MAGI2: variants seen among roughly 807,000 people sequenced by gnomAD.
MAGI2 encodes the protein membrane associated guanylate kinase, WW and PDZ domain containing 2.
MAGI2 carries 35 observed loss-of-function variants against 133.3 expected under a neutral mutation model. The observed-to-expected ratio is 0.26, with a 90% CI of 0.20 to 0.35. The LOEUF is 0.35. Among genes scored for constraint, MAGI2 ranks in the 10% least tolerant of loss-of-function variants. MAGI2 has a pLI of 1.00. For synonymous variants in MAGI2, 729 were observed against 710.6 expected, an observed-to-expected ratio of 1.03 and a Z score of -0.41; for missense variants, 1,636 against 1,863.4, an observed-to-expected ratio of 0.88 and a Z score of 2.25.
At chr7:79,357,863 C>T (rs867983928) in intron 1 of MAGI2, among the ~76,000 whole-genome samples, 51 of 152,152 alleles carry the variant, frequency 3.4e-4, no homozygotes, top group African/African-American at 1.1e-3. Flanking sequence ...GTTTATGTAA[C>T]GTAACTAAGT....
intron 1 of MAGI2, among the ~76,000 whole-genome samples, chr7:79,209,389 T>C (rs1402919029): frequency 6.6e-6 from 1 of 152,032 alleles, no homozygotes; most frequent in Admixed American, 6.5e-5. Context: ...AGAATATATA[T>C]TGTGAAACAT....
intron 2 of MAGI2, among the ~76,000 whole-genome samples, chr7:78,655,454 C>CAAAAAAAAAAAAAAAAAAAAAAAAAAACA: frequency 1.5e-5 from 1 of 64,950 alleles, no homozygotes; most frequent in African/African-American, 6.3e-5. Context: ...AAAAAACAAC[C>CAAAAAAAAAAAAAAAAAAAAAAAAAAACA]AAAAAAAAAA....
At chr7:79,272,207 G>C (rs1834929006) in intron 1 of MAGI2, among the ~76,000 whole-genome samples, 1 of 151,910 alleles carries the variant, frequency 6.6e-6, no homozygotes, top group African/African-American at 2.4e-5. Context: ...CCATTGTCTT[G>C]TAATGAAATC....
intron 1 of MAGI2, among the ~76,000 whole-genome samples, chr7:79,023,733 C>T (rs966618999): frequency 2.0e-5 from 3 of 152,044 alleles, no homozygotes; most frequent in Non-Finnish European, 2.9e-5. Context: ...ATTCCATTCA[C>T]AATAGCAACA....
At chr7:78,728,775 C>T (rs1228961570) in intron 2 of MAGI2, among the ~76,000 whole-genome samples, 1 of 128,052 alleles carries the variant, frequency 7.8e-6, no homozygotes, top group Admixed American at 8.5e-5. Flanking sequence ...CCGTTTTAGC[C>T]GGGATGGTCT....
At chr7:79,295,194 AG>A (rs1346496194) in intron 1 of MAGI2, among the ~76,000 whole-genome samples, 1 of 152,230 alleles carries the variant, frequency 6.6e-6, no homozygotes, top group Non-Finnish European at 1.5e-5. Context: ...AACAAAAAAA[AG>A]GTAAATGACA....
At chr7:78,671,201 C>T (rs80110197) in intron 2 of MAGI2, among the ~76,000 whole-genome samples, 2,320 of 151,786 alleles carry the variant, frequency 0.015, 63 homozygotes, top group African/African-American at 0.053. Flanking sequence ...ATTCAGAAAA[C>T]TGAACAGCAC....
chr7:78,107,254 T>C (rs1267097199), intron 20 of MAGI2, among the ~76,000 whole-genome samples: 1 of 152,208 alleles, frequency 6.6e-6, no homozygotes, highest in Non-Finnish European at 1.5e-5. Context: ...TTGGTTACTA[T>C]AGCTCTGTAG....
intron 1 of MAGI2, among the ~76,000 whole-genome samples, chr7:79,157,953 T>A (rs1043733496): frequency 0.011 from 1,713 of 149,578 alleles, 14 homozygotes; most frequent in Non-Finnish European, 0.017. Flanking sequence ...TGTGTGTGTG[T>A]GTGTGTGTGT....
At chr7:78,159,933 C>G (rs925719099) in intron 16 of MAGI2, 92 bp downstream of exon 16, 26 of 1,462,340 alleles carry the variant, frequency 1.8e-5, no homozygotes, top group Non-Finnish European at 1.8e-5. Context: ...ATGTCCGTGA[C>G]AGTCTTCTGA....
chr7:79,373,490 G>C (rs1843184835), intron 1 of MAGI2, among the ~76,000 whole-genome samples: 2 of 151,860 alleles, frequency 1.3e-5, no homozygotes, highest in African/African-American at 4.8e-5. Flanking sequence ...TATTAAATTT[G>C]TGTTAAAGTA....
chr7:79,313,713 A>G (rs1310637027), intron 1 of MAGI2, among the ~76,000 whole-genome samples: 3 of 152,148 alleles, frequency 2.0e-5, no homozygotes, highest in Non-Finnish European at 2.9e-5. Context: ...AAATTCTTCA[A>G]ATCAACCTAC....
chr7:78,802,918 T>C (rs201816947), intron 2 of MAGI2, among the ~76,000 whole-genome samples: 1 of 130,466 alleles, frequency 7.7e-6, no homozygotes, highest in South Asian at 2.5e-4. Flanking sequence ...CTAAAAACAA[T>C]AAAATCTATT....
At chr7:79,273,332 G>A (rs1835012884) in intron 1 of MAGI2, among the ~76,000 whole-genome samples, 1 of 152,038 alleles carries the variant, frequency 6.6e-6, no homozygotes. Flanking sequence ...TTTAGATCCT[G>A]GAGCTATTCT....
At chr7:79,264,882 C>A (rs568116225) in intron 1 of MAGI2, among the ~76,000 whole-genome samples, 2 of 150,016 alleles carry the variant, frequency 1.3e-5, no homozygotes, top group Non-Finnish European at 3.0e-5. Flanking sequence ...AGAGAGAGAG[C>A]GCACGAGCAC....
intron 2 of MAGI2, among the ~76,000 whole-genome samples, chr7:78,853,702 T>A (rs1793376212): frequency 6.6e-6 from 1 of 152,064 alleles, no homozygotes; most frequent in African/African-American, 2.4e-5. Context: ...CTGCTCTGAA[T>A]CTTGCCTTCT....
Position 79,213,788 on chromosome 7 carries a change from A to G in MAGI2, c.302-206582T>C, listed in dbSNP as rs549141590. ...TACCCAGCCCTTTTTTCTTTTTATC[A>G]ACAATCAAATGTTCATGGAGAATTA... is the stretch of plus-strand genomic sequence containing the variant. On this transcript the variant is annotated intron_variant, in intron 1 of 21. Transcript: ENST00000354212. Among the ~76,000 whole-genome samples the G allele has an allele frequency of 2.0e-4, 31 of 152,146 alleles. 1 individual carries two copies. Among genetic ancestry groups the G allele is most frequent in the Admixed American group, 1.2e-3 (18 of 15,300 alleles).
chr7:78,655,170 C>A (rs1275703084), intron 2 of MAGI2, among the ~76,000 whole-genome samples: 1 of 151,496 alleles, frequency 6.6e-6, no homozygotes, highest in Non-Finnish European at 1.5e-5. Flanking sequence ...GCCATTCAGG[C>A]AGAAAAAGGC....
chr7:78,129,247 C>T (rs1239201266), intron 18 of MAGI2, among the ~76,000 whole-genome samples: 1 of 152,180 alleles, frequency 6.6e-6, no homozygotes, highest in Non-Finnish European at 1.5e-5. Context: ...CCATCAGGCA[C>T]TTAAACTATA....
Sources: allele counts gnomAD v4.1 joint callset (sites outside exome capture counted in the v4.1 genomes callset), GRCh38; gene constraint gnomAD v4.1.1; transcripts MANE v1.5; gene names NCBI Gene and HGNC (gene_info 2026-07-23, HGNC 2026-07-21).